The following RALY variants were observed in gnomAD, a reference collection of about 807,000 sequenced individuals.
The protein encoded by RALY is RALY heterogeneous nuclear ribonucleoprotein.
Under a neutral mutation model 30.7 loss-of-function variants are expected in RALY, and 15 were observed. The ratio of observed to expected loss-of-function variants is 0.49; its 90% CI spans 0.33 to 0.75. The LOEUF (loss-of-function observed/expected upper bound fraction) is 0.75. RALY is among the 30% of genes least tolerant of loss of function. RALY has a pLI of 0.02. For missense variants in RALY, 339 were observed against 414.3 expected, an observed-to-expected ratio of 0.82 and a Z score of 1.58; for synonymous variants, 177 against 170.8, an observed-to-expected ratio of 1.04 and a Z score of -0.28.
intron 2 of RALY, among the ~76,000 whole-genome samples, chr20:34,062,746 C>A (rs367573159): frequency 1.7e-4 from 26 of 152,346 alleles, no homozygotes; most frequent in African/African-American, 5.5e-4. Context: ...GCTGACAAAC[C>A]CTTTGATGAC....
chr20:34,031,755 CCTT>C (rs2032287308), intron 2 of RALY, among the ~76,000 whole-genome samples, 151 bp downstream of exon 2: 1 of 152,290 alleles, frequency 6.6e-6, no homozygotes, highest in African/African-American at 2.4e-5. Flanking sequence ...GCACAGGTAA[CCTT>C]CTGAACTGGG....
intron 1 of RALY, among the ~76,000 whole-genome samples, chr20:33,996,238 G>A (rs1236166113): frequency 6.6e-6 from 1 of 152,138 alleles, no homozygotes; most frequent in Admixed American, 6.5e-5. Context: ...ACACCTCTCT[G>A]GAGCAGAGGA....
intron 2 of RALY, among the ~76,000 whole-genome samples, chr20:34,062,541 C>G (rs1251115422): frequency 6.6e-6 from 1 of 152,222 alleles, no homozygotes; most frequent in Non-Finnish European, 1.5e-5. Flanking sequence ...CCATTCCTAC[C>G]CAGTTGGGCC....
chr20:34,037,589 G>A lies in RALY; in HGVS notation c.-10+5985G>A, dbSNP rs555256038. On this transcript the variant is annotated intron_variant, in intron 2 of 9. Transcript: ENST00000246194. ...TCTGAGCAATGCCTGGCTTGCTGGTGACTTACTTGTGGCCTTTAGTTTCCT... is the reference window on the plus strand; with the variant it reads ...TCTGAGCAATGCCTGGCTTGCTGGTAACTTACTTGTGGCCTTTAGTTTCCT... Among the ~76,000 whole-genome samples, 8 of 152,328 alleles carry A rather than the reference G, an allele frequency of 5.3e-5. 1 individual carries two copies. The South Asian group carries it at 1.7e-3, about 32-fold the overall frequency.
chr20:34,077,058 C>G lies in RALY; in HGVS notation c.689C>G (p.Ala230Gly), dbSNP rs756926253. Residue 230 changes from alanine (A) to glycine (G), a missense_variant, in exon 8 of 10, where the codon GCC becomes GGC. Physicochemically the swap from Ala to Gly is moderately conservative, Grantham distance 60 (BLOSUM62 0). This residue lies in a region of RALY where 268 missense variants were observed against 280.6 expected (regional missense o/e 0.95). Transcript: ENST00000246194. ...AAGAAGAAGGGTGATGGAGGTGGCGCCGGCGGCGGCGGCGGTGGTGGTGGC... is the reference window on the plus strand; with the variant it reads ...AAGAAGAAGGGTGATGGAGGTGGCGGCGGCGGCGGCGGCGGTGGTGGTGGC... ...DGKKKGDGGG[A>G]GGGGGGGGSG... The G allele has an allele frequency of 1.5e-4, 241 of 1,589,228 alleles. No homozygotes were observed. In the African/African-American group the frequency reaches 2.7e-3, roughly 18 times the overall value.
Position 33,994,124 on chromosome 20 carries a change from C to G in RALY, c.-100C>G, listed in dbSNP as rs1483065381. 6.6e-6 allele frequency: 1 copy of G among 152,356 alleles called. No individual in the cohort carries two copies. Among genetic ancestry groups the G allele is most frequent in the African/African-American group, 2.4e-5 (1 of 41,456 alleles). 9.4% of individuals were successfully genotyped at this position (152,356 alleles called of 1,614,324 possible). A position where few individuals can be genotyped will look rare whatever the true frequency, so the allele number is the denominator to read the frequency against. On this transcript the variant is annotated 5_prime_UTR_variant, in exon 1 of 10. Transcript: ENST00000246194. ...GCCGCGCGGCTTCCTCCAGACCTCTCGGCGCGGGTGAGTGGGGACTGCGGG... is the reference window on the plus strand; with the variant it reads ...GCCGCGCGGCTTCCTCCAGACCTCTGGGCGCGGGTGAGTGGGGACTGCGGG...
chr20:34,046,588 A>G (rs930144387), intron 2 of RALY, among the ~76,000 whole-genome samples: 7 of 152,202 alleles, frequency 4.6e-5, no homozygotes, highest in Non-Finnish European at 8.8e-5. Flanking sequence ...GCACTTTGCT[A>G]AGTGTCCAGT....
chr20:34,064,935 A>T (rs1180281212), intron 2 of RALY: 3 of 152,056 alleles, frequency 2.0e-5, no homozygotes, highest in African/African-American at 7.3e-5. Context: ...GTTTCAAGTG[A>T]TAGGTCTCGG....
At chr20:34,044,979 C>T (rs890592620) in intron 2 of RALY, among the ~76,000 whole-genome samples, 4 of 152,038 alleles carry the variant, frequency 2.6e-5, no homozygotes, top group South Asian at 2.1e-4. Context: ...GTGGCATGAT[C>T]GTGGCTCACT....
chr20:34,055,298 G>C (rs1196205160), intron 2 of RALY, among the ~76,000 whole-genome samples: 1 of 152,200 alleles, frequency 6.6e-6, no homozygotes, highest in Admixed American at 6.5e-5. Flanking sequence ...TTAATATAAT[G>C]ATCATTTATA....
At chr20:34,046,680 A>G (rs1247770023) in intron 2 of RALY, among the ~76,000 whole-genome samples, 1 of 152,034 alleles carries the variant, frequency 6.6e-6, no homozygotes, top group African/African-American at 2.4e-5. Context: ...CACTGATCTC[A>G]TTTTTTATAT....
intron 1 of RALY, among the ~76,000 whole-genome samples, chr20:34,019,922 G>C (rs557693346): frequency 1.3e-5 from 2 of 151,988 alleles, no homozygotes; most frequent in Non-Finnish European, 2.9e-5. Context: ...TTAGCCGGGC[G>C]TAGTGGTGGG....
At chr20:34,050,482 G>T (rs2033039449) in intron 2 of RALY, among the ~76,000 whole-genome samples, 1 of 152,216 alleles carries the variant, frequency 6.6e-6, no homozygotes, top group East Asian at 1.9e-4. Context: ...TAATCTGCCA[G>T]AAACTAGAGG....
chr20:34,072,459 A>C, intron 3 of RALY, 129 bp downstream of exon 3: 1 of 1,267,282 alleles, frequency 7.9e-7, no homozygotes, highest in Non-Finnish European at 1.1e-6. Context: ...TTTATAAGCT[A>C]TGTTTAAGTT....
At chr20:34,069,572 C>T (rs932388) in intron 2 of RALY, among the ~76,000 whole-genome samples, 79,813 of 152,022 alleles carry the variant, frequency 0.53, 23,154 homozygotes, top group South Asian at 0.75. Flanking sequence ...CATCTGATGC[C>T]CACACAGGGG....
chr20:34,045,979 T>G (rs2032867166), intron 2 of RALY, among the ~76,000 whole-genome samples: 1 of 152,208 alleles, frequency 6.6e-6, no homozygotes, highest in Admixed American at 6.5e-5. Flanking sequence ...GGAATCAAGT[T>G]GTGACCCATG....
intron 2 of RALY, among the ~76,000 whole-genome samples, chr20:34,048,635 T>G (rs2032967676): frequency 6.6e-6 from 1 of 152,060 alleles, no homozygotes; most frequent in African/African-American, 2.4e-5. Context: ...GGCAGGTGGA[T>G]CACGAGGTCA....
chr20:34,027,854 T>C (rs1165334595), intron 1 of RALY, among the ~76,000 whole-genome samples: 1 of 152,210 alleles, frequency 6.6e-6, no homozygotes, highest in Non-Finnish European at 1.5e-5. Context: ...TGTTACCACA[T>C]TGATAAAAAC....
chr20:34,020,044 G>C (rs2031760484), intron 1 of RALY, among the ~76,000 whole-genome samples: 1 of 152,080 alleles, frequency 6.6e-6, no homozygotes, highest in African/African-American at 2.4e-5. Context: ...CTGGGCAACA[G>C]AGCAAGACTC....
Sources: allele counts gnomAD v4.1 joint callset (sites outside exome capture counted in the v4.1 genomes callset), GRCh38; gene constraint gnomAD v4.1.1; regional missense constraint gnomAD v4.1.1; transcripts MANE v1.5; gene names NCBI Gene and HGNC (gene_info 2026-07-23, HGNC 2026-07-21).